ZNF268: variants seen among roughly 807,000 people sequenced by gnomAD.
ZNF268 encodes the protein zinc finger protein 3.
In ZNF268, 20 loss-of-function variants were observed where a neutral mutation model predicts 29.3. The observed-to-expected ratio is 0.68, with a 90% CI of 0.48 to 0.99. ZNF268 has a LOEUF of 0.99. Among genes scored for constraint, ZNF268 ranks in the 50% least tolerant of loss-of-function variants. ZNF268 has a pLI of 0.00. For missense variants in ZNF268, 1,240 were observed against 1,121.6 expected (o/e 1.11, Z -1.51); for synonymous variants, 429 against 376.9 (o/e 1.14, Z -1.60).
intron 2 of ZNF268, among the ~76,000 whole-genome samples, chr12:133,186,073 C>G (rs1178942845): frequency 1.3e-5 from 2 of 152,052 alleles, no homozygotes; most frequent in African/African-American, 4.8e-5. Flanking sequence ...AGCCCTAGCC[C>G]CAGGTGGTGA....
At chr12:133,196,981 C>G (rs532375849) in intron 5 of ZNF268, among the ~76,000 whole-genome samples, 1 of 150,502 alleles carries the variant, frequency 6.6e-6, no homozygotes, top group East Asian at 1.9e-4. Flanking sequence ...AATATTAATA[C>G]CTTTAATAAA....
intron 3 of ZNF268, among the ~76,000 whole-genome samples, chr12:133,190,758 C>CAAAAAA (rs1956447823): frequency 2.0e-5 from 3 of 152,116 alleles, no homozygotes; most frequent in Admixed American, 2.0e-4. Flanking sequence ...TTTGTGCCTA[C>CAAAAAA]GTTGTAATCT....
rs775277918 is a variant in ZNF268, at chr12:133,202,099, C to T, written c.458-45C>T. ...TCATAGGCAACTTTCTAGTATACCGCAATCATGTGATTTATAACATGTGAC... is the reference window on the plus strand; with the variant it reads ...TCATAGGCAACTTTCTAGTATACCGTAATCATGTGATTTATAACATGTGAC... On this transcript the variant is annotated intron_variant, in intron 5 of 5. Transcript: ENST00000536435. The T allele has an allele frequency of 2.1e-6, 3 of 1,462,018 alleles. No individual in the cohort carries two copies. In the East Asian group the frequency reaches 6.9e-5, roughly 34 times the overall value. The allele number at this position is 1,462,018 out of a possible 1,614,324, so 90.6% of individuals were successfully genotyped here.
Position 133,204,277 on chromosome 12 carries a change from AT to A in ZNF268, c.2592del (p.Tyr864Ter). The stretch of plus-strand genomic sequence containing the variant: ...AGAATGCACACAAGAGAGAAACCAT[AT>A]GAATGCAGTGAGTGTGGAAAAGCCT... ...HQRMHTREKP[Y>X]ECSECGKAFI... is the part of the protein sequence containing the mutation. On this transcript the variant is annotated frameshift_variant, in exon 6 of 6. Coordinates refer to ENST00000536435, the MANE Select transcript of ZNF268 (RefSeq NM_003415.3). LOFTEE classifies it high-confidence loss of function. The A allele has an allele frequency of 6.4e-7, 1 of 1,552,148 alleles. No individual in the cohort carries two copies. Among genetic ancestry groups the A allele is most frequent in the Non-Finnish European group, 8.7e-7 (1 of 1,152,114 alleles).
chr12:133,203,207 A>C lies in ZNF268; in HGVS notation c.1521A>C (p.Lys507Asn). ...MKPYVCNECG[K>N]AFRSKSYLII... Reference sequence around the variant, plus strand: ...CTTATGTATGCAATGAATGTGGCAAAGCCTTCAGGAGCAAGTCATACCTTA... The same window carrying C: ...CTTATGTATGCAATGAATGTGGCAACGCCTTCAGGAGCAAGTCATACCTTA... Residue 507 changes from lysine to asparagine, a missense_variant, in exon 6 of 6, where the codon AAA (lysine) becomes AAC (asparagine). Around this residue, in one of 3 missense-constraint regions of ZNF268, gnomAD observed 1,177 missense variants for 1,039.6 expected, o/e 1.13. Transcript: ENST00000536435. The C allele has an allele frequency of 6.5e-7, 1 of 1,537,964 alleles. No homozygotes were observed. The highest frequency in any genetic ancestry group is 8.7e-7 in the Non-Finnish European group (1 of 1,146,852).
At chr12:133,189,201 A>G (rs911276692) in intron 3 of ZNF268, among the ~76,000 whole-genome samples, 2 of 148,694 alleles carry the variant, frequency 1.3e-5, no homozygotes, top group Non-Finnish European at 3.0e-5. Flanking sequence ...AAACAGTATC[A>G]GTGTCTTAAT....
At position 133,211,063 on chromosome 12, in the gene ZNF268, TAG is replaced by T. The variant is rs780016150; in HGVS notation, c.*6537_*6538del. On this transcript the variant is annotated 3_prime_UTR_variant, in exon 6 of 6. Transcript: ENST00000536435. The stretch of plus-strand genomic sequence containing the variant: ...CATTCCATGCCTTAATTGGAATGGA[TAG>T]AGATAATAAAAGGCAAAGTAGATGG... The T allele has an allele frequency of 4.4e-6, 2 of 454,342 alleles. No homozygotes were observed. Among genetic ancestry groups the T allele is most frequent in the South Asian group, 3.1e-5 (2 of 64,546 alleles). The allele number at this position is 454,342 out of a possible 1,614,324, so 28.1% of individuals were successfully genotyped here.
rs1484428087 is a variant in ZNF268, at chr12:133,203,596, A to G, written c.1910A>G (p.Glu637Gly). The change falls in exon 6 of 6, where the codon GAG becomes GGG. Residue 637 changes from glutamate to glycine, a missense_variant. Glu to Gly is a moderately conservative substitution (Grantham distance 98). This residue lies in a region of ZNF268 where 1,177 missense variants were observed against 1,039.6 expected (regional missense o/e 1.13). Transcript: ENST00000536435. ...LIVHQRTHTG[E>G]KPYSCNECGK... ...GTACATCAGAGAACTCATACAGGAG[A>G]GAAACCCTATAGTTGTAATGAATGT... 17 of 1,570,054 alleles carry G rather than the reference A, an allele frequency of 1.1e-5. No homozygotes were observed. In the Admixed American group the frequency reaches 3.2e-4, roughly 29 times the overall value.
chr12:133,199,155 T>G (rs893802694), intron 5 of ZNF268, among the ~76,000 whole-genome samples: 27 of 152,216 alleles, frequency 1.8e-4, no homozygotes, highest in African/African-American at 6.0e-4. Flanking sequence ...CCATTCAGTA[T>G]GATATTGGCT....
In ZNF268 at chr12:133,212,203, G is replaced by T. The variant is rs1405412446; in HGVS notation, c.*7673G>T. 6.6e-6 allele frequency: 1 copy of T among 152,078 alleles called. No homozygotes were observed. Among genetic ancestry groups the T allele is most frequent in the East Asian group, 1.9e-4 (1 of 5,196 alleles). The allele number at this position is 152,078 out of a possible 1,614,324, so 9.4% of individuals were successfully genotyped here. On this transcript the variant is annotated 3_prime_UTR_variant, in exon 6 of 6. Coordinates refer to ENST00000536435, the MANE Select transcript of ZNF268 (RefSeq NM_003415.3). ...ACATATCTGTGATTGATGACGGTTT[G>T]TAGAGGGCAGGGAGTGAGTTAAATA...
chr12:133,199,554 A>G (rs1256629403), intron 5 of ZNF268, among the ~76,000 whole-genome samples: 1 of 151,842 alleles, frequency 6.6e-6, no homozygotes, highest in Admixed American at 6.6e-5. Flanking sequence ...GCCTCAGAAA[A>G]TGAGTTAGGG....
Position 133,191,970 on chromosome 12 carries a change from G to A in ZNF268, c.424G>A (p.Val142Met). 1.2e-6 allele frequency: 2 copies of A among 1,613,898 alleles called. No individual in the cohort carries two copies. The highest frequency in any genetic ancestry group is 2.2e-5 in the East Asian group (1 of 44,878). ...KLEQGEELCM[V>M]QAQVPNQTCP... ...GGAACAAGGAGAAGAGCTGTGTATG[G>A]TGCAGGCCCAAGTTCCAAATCAGAC... Residue 142 changes from valine to methionine, a missense_variant, in exon 5 of 6, where the codon GTG becomes ATG. By Grantham distance (21) the Val-to-Met change is conservative. This residue lies in a region of ZNF268 where 1,177 missense variants were observed against 1,039.6 expected (regional missense o/e 1.13). Transcript: ENST00000536435.
Position 133,210,176 on chromosome 12 carries a change from A to C in ZNF268, c.*5646A>C, listed in dbSNP as rs1056742036. The C allele has an allele frequency of 1.3e-5, 2 of 152,300 alleles. No homozygotes were observed. The highest frequency in any genetic ancestry group is 2.9e-5 in the Non-Finnish European group (2 of 68,136). 9.4% of individuals were successfully genotyped at this position (152,300 alleles called of 1,614,324 possible). ...CTCCTGTGGCCTCCATGTATCCCAAAGGTGAGATGACATCGCCCCAGATTG... is the reference window on the plus strand; with the variant it reads ...CTCCTGTGGCCTCCATGTATCCCAACGGTGAGATGACATCGCCCCAGATTG... On this transcript the variant is annotated 3_prime_UTR_variant, in exon 6 of 6. Coordinates refer to ENST00000536435, the MANE Select transcript of ZNF268 (RefSeq NM_003415.3).
Position 133,209,657 on chromosome 12 carries a change from C to G in ZNF268, c.*5127C>G, listed in dbSNP as rs1389290597. On this transcript the variant is annotated 3_prime_UTR_variant, in exon 6 of 6. Transcript: ENST00000536435. ...CGAGACCAGCCTGGTGAAACCCCGT[C>G]TCTACTAAAAATACAAAAATTGGCC... 1.3e-5 allele frequency: 2 copies of G among 152,092 alleles called. No individual in the cohort carries two copies. Among genetic ancestry groups the G allele is most frequent in the Non-Finnish European group, 2.9e-5 (2 of 68,028 alleles). The allele number at this position is 152,092 out of a possible 1,614,324, so 9.4% of individuals were successfully genotyped here.
chr12:133,199,452 G>C (rs902575924), intron 5 of ZNF268, among the ~76,000 whole-genome samples: 2 of 151,188 alleles, frequency 1.3e-5, no homozygotes, highest in African/African-American at 4.9e-5. Context: ...ATTTTATTGA[G>C]GATTTTTGCA....
chr12:133,199,783 G>C (rs1416049871), intron 5 of ZNF268, among the ~76,000 whole-genome samples: 1 of 152,164 alleles, frequency 6.6e-6, no homozygotes, highest in East Asian at 1.9e-4. Context: ...ATGTGTCAGG[G>C]AATTTATCCA....
Position 133,204,597 on chromosome 12 carries a change from C to G in ZNF268, c.*67C>G. Reference sequence around the variant, plus strand: ...AAACAATCATATATAAAGAGAAACTCTGTAAGTGGAATCATCTTGTCATCT... The same window carrying G: ...AAACAATCATATATAAAGAGAAACTGTGTAAGTGGAATCATCTTGTCATCT... On this transcript the variant is annotated 3_prime_UTR_variant, in exon 6 of 6. Transcript: ENST00000536435. The G allele has an allele frequency of 1.7e-6, 2 of 1,198,332 alleles. No individual in the cohort carries two copies. Among genetic ancestry groups the G allele is most frequent in the East Asian group, 2.6e-5 (1 of 38,930 alleles). The allele number at this position is 1,198,332 out of a possible 1,614,324, so 74.2% of individuals were successfully genotyped here. A position where few individuals can be genotyped will look rare whatever the true frequency, so the allele number is the denominator to read the frequency against.
Position 133,214,797 on chromosome 12 carries a change from A to G in ZNF268, c.*10267A>G, listed in dbSNP as rs1205410565. The stretch of plus-strand genomic sequence containing the variant: ...TTTAAAAGTTAATTTTATATTGTGT[A>G]AATTTTACCTCAATAAAAAAATCTA... On this transcript the variant is annotated 3_prime_UTR_variant, in exon 6 of 6. Transcript: ENST00000536435. 1 of 152,210 alleles carries G rather than the reference A, an allele frequency of 6.6e-6. No individual in the cohort carries two copies. Among genetic ancestry groups the G allele is most frequent in the Non-Finnish European group, 1.5e-5 (1 of 68,038 alleles). 9.4% of individuals were successfully genotyped at this position (152,210 alleles called of 1,614,324 possible).
Position 133,214,599 on chromosome 12 carries a change from G to A in ZNF268, c.*10069G>A, listed in dbSNP as rs1957030078. 1.3e-5 allele frequency: 2 copies of A among 152,308 alleles called. No individual in the cohort carries two copies. Among genetic ancestry groups the A allele is most frequent in the Middle Eastern group, 3.4e-3 (1 of 294 alleles). 9.4% of individuals were successfully genotyped at this position (152,308 alleles called of 1,614,324 possible). A position where few individuals can be genotyped will look rare whatever the true frequency, so the allele number is the denominator to read the frequency against. On this transcript the variant is annotated 3_prime_UTR_variant, in exon 6 of 6. Transcript: ENST00000536435. ...CACTTATATGAAATACCCAGAATGGGTAAATCCAAAGAGAGCATATTGGTG... is the reference window on the plus strand; with the variant it reads ...CACTTATATGAAATACCCAGAATGGATAAATCCAAAGAGAGCATATTGGTG...
Sources: allele counts gnomAD v4.1 joint callset (sites outside exome capture counted in the v4.1 genomes callset), GRCh38; gene constraint gnomAD v4.1.1; regional missense constraint gnomAD v4.1.1; transcripts MANE v1.5; gene names NCBI Gene and HGNC (gene_info 2026-07-23, HGNC 2026-07-21).